The following ITPR2 variants were observed in gnomAD, a reference collection of about 807,000 sequenced individuals.
ITPR2 encodes the protein inositol 1,4,5-trisphosphate-gated calcium channel ITPR2.
A neutral mutation model predicts 317.1 loss-of-function variants in ITPR2; 207 were observed. The observed-to-expected ratio is 0.65, with a 90% CI of 0.58 to 0.73. ITPR2 has a LOEUF of 0.73. ITPR2 is among the 30% of genes least tolerant of loss of function. ITPR2 has a pLI of 0.00. For synonymous variants in ITPR2, 1,156 were observed against 1,149.1 expected (o/e 1.01, Z -0.12); for missense variants, 2,613 against 3,284.0 (o/e 0.80, Z 4.99).
At chr12:26,776,919 G>A (rs533507267) in intron 2 of ITPR2, among the ~76,000 whole-genome samples, 6 of 152,234 alleles carry the variant, frequency 3.9e-5, no homozygotes, top group African/African-American at 1.4e-4. Context: ...CCCATGAGGA[G>A]GTGCACTACA....
At chr12:26,622,187 T>G in intron 25 of ITPR2, 53 bp downstream of exon 25, 1 of 1,527,176 alleles carries the variant, frequency 6.5e-7, no homozygotes. Context: ...TTGGATGTTA[T>G]TAACACTTTC....
intron 36 of ITPR2, among the ~76,000 whole-genome samples, chr12:26,553,364 C>A (rs1243003857): frequency 6.6e-6 from 1 of 152,232 alleles, no homozygotes. Context: ...TATTCTCCTG[C>A]AGACTCATCT....
intron 15 of ITPR2, among the ~76,000 whole-genome samples, chr12:26,660,693 T>C (rs1592008304): frequency 6.6e-6 from 1 of 152,354 alleles, no homozygotes; most frequent in South Asian, 2.1e-4. Flanking sequence ...TCTGTTATTA[T>C]ATCATTTTAA....
chr12:26,605,345 T>A (rs1330442763), intron 26 of ITPR2, among the ~76,000 whole-genome samples: 8 of 151,774 alleles, frequency 5.3e-5, no homozygotes, highest in Non-Finnish European at 1.2e-4. Context: ...ATTTCCTTTT[T>A]CTGATCACAA....
At chr12:26,650,343 A>G (rs1280770573) in intron 21 of ITPR2, among the ~76,000 whole-genome samples, 2 of 152,186 alleles carry the variant, frequency 1.3e-5, no homozygotes, top group Admixed American at 1.3e-4. Flanking sequence ...CAGTGAAAAG[A>G]TGCTGTACGA....
chr12:26,428,508 G>A (rs556309329), intron 48 of ITPR2, among the ~76,000 whole-genome samples: 73 of 152,130 alleles, frequency 4.8e-4, no homozygotes, highest in African/African-American at 1.6e-3. Context: ...TCAGTATCAA[G>A]TTTCCATAGT....
rs71437307 is a variant in ITPR2, at chr12:26,746,191, AAC to A, written c.164-20428_164-20427del. On this transcript the variant is annotated intron_variant, in intron 2 of 56. Coordinates refer to ENST00000381340, the MANE Select transcript of ITPR2 (RefSeq NM_002223.4). Reference sequence around the variant, plus strand: ...AGCACAAATAGCTGTGTATTCCTACAACACACACACACACACACACACATACA... The same window carrying A: ...AGCACAAATAGCTGTGTATTCCTACAACACACACACACACACACACATACA... Among the ~76,000 whole-genome samples, 474 of 150,434 alleles carry A rather than the reference AAC, an allele frequency of 3.2e-3. 4 individuals carry two copies. Among genetic ancestry groups the A allele is most frequent in the African/African-American group, 6.2e-3 (253 of 40,990 alleles).
intron 40 of ITPR2, among the ~76,000 whole-genome samples, 197 bp from the exon 41 acceptor site, chr12:26,486,557 T>C (rs893046675): frequency 6.6e-6 from 1 of 152,208 alleles, no homozygotes; most frequent in African/African-American, 2.4e-5. Flanking sequence ...AAGATCTCAA[T>C]GCTTAGCAAA....
At chr12:26,658,432 G>A (rs950352984) in intron 16 of ITPR2, among the ~76,000 whole-genome samples, 18 of 152,254 alleles carry the variant, frequency 1.2e-4, no homozygotes, top group Admixed American at 2.6e-4. Flanking sequence ...CTCCCCTAAA[G>A]TGAGTCTCCC....
At chr12:26,674,859 A>G (rs893456222) in intron 13 of ITPR2, among the ~76,000 whole-genome samples, 1 of 151,904 alleles carries the variant, frequency 6.6e-6, no homozygotes, top group African/African-American at 2.4e-5. Context: ...AGAAAAAAAC[A>G]AACAACCCCA....
rs1008989836 is a variant in ITPR2, at chr12:26,523,977, G to A, written c.5073+26270C>T. The stretch of plus-strand genomic sequence containing the variant: ...CATGCCCCGCAGCTTTAATCTGCAC[G>A]GAGTGTGCACATGTACTGTCACATG... On this transcript the variant is annotated intron_variant, in intron 37 of 56. Coordinates refer to ENST00000381340, the MANE Select transcript of ITPR2 (RefSeq NM_002223.4). Among the ~76,000 whole-genome samples the A allele has an allele frequency of 9.8e-4, 149 of 152,296 alleles. 1 individual carries two copies. Among genetic ancestry groups the A allele is most frequent in the Admixed American group, 9.4e-3 (143 of 15,288 alleles).
chr12:26,674,231 T>G (rs2136945457), intron 13 of ITPR2, among the ~76,000 whole-genome samples: 1 of 151,798 alleles, frequency 6.6e-6, no homozygotes, highest in Non-Finnish European at 1.5e-5. Context: ...AGAGCCTGCA[T>G]CGCCAAGTCA....
intron 55 of ITPR2, among the ~76,000 whole-genome samples, chr12:26,364,732 A>C (rs1938951913): frequency 6.6e-6 from 1 of 152,206 alleles, no homozygotes; most frequent in Admixed American, 6.5e-5. Context: ...GTCCTGCTTG[A>C]AAATCAATTT....
chr12:26,379,543 A>G (rs1939443174), intron 55 of ITPR2, among the ~76,000 whole-genome samples: 3 of 152,198 alleles, frequency 2.0e-5, no homozygotes, highest in Non-Finnish European at 2.9e-5. Flanking sequence ...CTGTACTGCA[A>G]TATCTCCTGA....
At chr12:26,735,031 G>A (rs151217467) in intron 2 of ITPR2, among the ~76,000 whole-genome samples, 78 of 117,308 alleles carry the variant, frequency 6.6e-4, no homozygotes, top group African/African-American at 1.7e-3. Flanking sequence ...ATGGAGTTTC[G>A]CTCTTGTTGA....
chr12:26,389,946 T>C (rs1392985438), intron 54 of ITPR2, among the ~76,000 whole-genome samples: 3 of 152,218 alleles, frequency 2.0e-5, no homozygotes, highest in Admixed American at 1.3e-4. Context: ...AAGAGCCACC[T>C]GGGCAGATAT....
chr12:26,341,179 A>C (rs1361697634), intron 55 of ITPR2, among the ~76,000 whole-genome samples: 10 of 152,182 alleles, frequency 6.6e-5, no homozygotes, highest in Non-Finnish European at 2.9e-5. Context: ...AAGAGGCTCT[A>C]AGTTTCATTA....
chr12:26,368,528 G>A (rs1004000033), intron 55 of ITPR2, among the ~76,000 whole-genome samples: 2 of 152,124 alleles, frequency 1.3e-5, no homozygotes, highest in Non-Finnish European at 2.9e-5. Context: ...GGCTCAGAGA[G>A]GTTAAGCAAA....
At chr12:26,461,827 C>A (rs1049858774) in intron 45 of ITPR2, among the ~76,000 whole-genome samples, 5 of 151,536 alleles carry the variant, frequency 3.3e-5, no homozygotes, top group African/African-American at 1.2e-4. Flanking sequence ...TAATATAAAT[C>A]CTGACAAGGG....
Sources: allele counts gnomAD v4.1 joint callset (sites outside exome capture counted in the v4.1 genomes callset), GRCh38; gene constraint gnomAD v4.1.1; transcripts MANE v1.5; gene names NCBI Gene and HGNC (gene_info 2026-07-23, HGNC 2026-07-21).